EFNA2: variants seen among roughly 807,000 people sequenced by gnomAD.
EFNA2 encodes the protein ephrin-A2.
A neutral mutation model predicts 19.7 loss-of-function variants in EFNA2; 18 were observed. The observed-to-expected ratio is 0.91, with a 90% CI of 0.63 to 1.35. The LOEUF is 1.35. Among genes scored for constraint, EFNA2 ranks in the 40% most tolerant of loss-of-function variants. The pLI is 0.00. For synonymous variants in EFNA2, 187 were observed against 137.8 expected, an observed-to-expected ratio of 1.36 and a Z score of -2.50; for missense variants, 303 against 296.0, an observed-to-expected ratio of 1.02 and a Z score of -0.17.
Position 1,296,673 on chromosome 19 carries a change from GGC to G in EFNA2, c.454+816_454+817del, listed in dbSNP as rs2081517171. Among the ~76,000 whole-genome samples the G allele has an allele frequency of 6.6e-6, 1 of 152,078 alleles. No homozygotes were observed. Among genetic ancestry groups the G allele is most frequent in the Non-Finnish European group, 1.5e-5 (1 of 67,998 alleles). ...TTAAAAGAAGAAAAAAACCCCACAG[GGC>G]CCCTGCCGCACCAGCCGCACCCAGA... On this transcript the variant is annotated intron_variant, in intron 2 of 3. Coordinates refer to ENST00000215368, the MANE Select transcript of EFNA2 (RefSeq NM_001405.4). This position sits in a 1 kb window ranked among gnomAD's most constrained non-coding sequence, Gnocchi z 4.4.
chr19:1,294,995 C>A lies in EFNA2; in HGVS notation c.141-550C>A, dbSNP rs1265259672. On this transcript the variant is annotated intron_variant, in intron 1 of 3. Transcript: ENST00000215368. The surrounding 1 kb of genome is among the most constrained non-coding windows in gnomAD (Gnocchi z 5.8). ...CCGGAGTCAGGAACCCCCCGCCGGC[C>A]CTTTGCACACAGGGGTCCAGATGTC... Among the ~76,000 whole-genome samples the A allele has an allele frequency of 6.6e-6, 1 of 151,960 alleles. No homozygotes were observed. Among genetic ancestry groups the A allele is most frequent in the Non-Finnish European group, 1.5e-5 (1 of 67,982 alleles).
In EFNA2 at chr19:1,296,627, T is replaced by C. The variant is rs2081516884; in HGVS notation, c.454+769T>C. On this transcript the variant is annotated intron_variant, in intron 2 of 3. Transcript: ENST00000215368. The surrounding 1 kb of genome is among the most constrained non-coding windows in gnomAD (Gnocchi z 4.4). ...TCGCTCCACTGCACTCCAGCCTGGG[T>C]GGCAGAGCGAGACCCTGTCTTTAAA... 6.6e-6 allele frequency among the ~76,000 whole-genome samples: 1 copy of C among 151,998 alleles called. No individual in the cohort carries two copies. The highest frequency in any genetic ancestry group is 1.5e-5 in the Non-Finnish European group (1 of 67,976).
intron 1 of EFNA2, among the ~76,000 whole-genome samples, chr19:1,290,881 A>C (rs948758622): frequency 2.6e-5 from 4 of 151,926 alleles, no homozygotes; most frequent in Admixed American, 2.6e-4. Flanking sequence ...AGGCGTTTGA[A>C]CTCTGTGGCC....
In EFNA2 at chr19:1,287,948, C is replaced by T. The variant is rs1027166777; in HGVS notation, c.140+1640C>T. Among the ~76,000 whole-genome samples, 1 of 152,222 alleles carries T rather than the reference C, an allele frequency of 6.6e-6. No individual in the cohort carries two copies. The highest frequency in any genetic ancestry group is 1.9e-4 in the East Asian group (1 of 5,182). On this transcript the variant is annotated intron_variant, in intron 1 of 3. Coordinates refer to ENST00000215368, the MANE Select transcript of EFNA2 (RefSeq NM_001405.4). The surrounding 1 kb of genome is among the most constrained non-coding windows in gnomAD (Gnocchi z 6.2). ...CCACCTGCCACAGGGCTGTGGGCTG[C>T]GGGCCGGACCCCCGGCCAGGGGAAG...
In EFNA2 at chr19:1,300,197, G is replaced by A; in HGVS notation, c.*252G>A. On this transcript the variant is annotated 3_prime_UTR_variant, in exon 4 of 4. Transcript: ENST00000215368. The stretch of plus-strand genomic sequence containing the variant: ...GGGTGTGGATGCGGACCGTGGCCAG[G>A]CCATCTCCTCTGGGGCGTCGGAGAA... 2.9e-6 allele frequency: 1 copy of A among 346,630 alleles called. No homozygotes were observed. 21.5% of individuals were successfully genotyped at this position (346,630 alleles called of 1,614,324 possible).
chr19:1,284,783 G>A (rs1361184637), upstream of EFNA2, among the ~76,000 whole-genome samples: 1 of 152,218 alleles, frequency 6.6e-6, no homozygotes, highest in Non-Finnish European at 1.5e-5. The surrounding 1 kb of genome is among the most constrained non-coding windows in gnomAD (Gnocchi z 5.3). Context: ...AGGGCTGTTG[G>A]TGCTTGCCCT....
chr19:1,299,313 C>T (rs1262780229), intron 3 of EFNA2, among the ~76,000 whole-genome samples: 1 of 152,126 alleles, frequency 6.6e-6, no homozygotes, highest in Non-Finnish European at 1.5e-5. Flanking sequence ...AATCCCAGCA[C>T]TTTGGGAGGC....
intron 1 of EFNA2, among the ~76,000 whole-genome samples, chr19:1,290,210 C>T (rs1387387133): frequency 6.6e-6 from 1 of 152,142 alleles, no homozygotes; most frequent in African/African-American, 2.4e-5. Flanking sequence ...GTCCCCTCCC[C>T]AGAAGGGAAA....
At chr19:1,298,756 TC>T (rs2081527346) in intron 3 of EFNA2, 140 bp downstream of exon 3, 2 of 886,262 alleles carry the variant, frequency 2.3e-6, no homozygotes, top group South Asian at 3.3e-5. Flanking sequence ...AGCCTCGATT[TC>T]CCCGTCTGAT....
upstream of EFNA2, among the ~76,000 whole-genome samples, chr19:1,285,406 C>G (rs938151407): frequency 1.3e-5 from 2 of 152,166 alleles, no homozygotes; most frequent in African/African-American, 2.4e-5. This position sits in a 1 kb window ranked among gnomAD's most constrained non-coding sequence, Gnocchi z 4.1. Flanking sequence ...AGCGTGGGTC[C>G]GGAGAGGCGA....
rs1027836299 is a variant in EFNA2 at position 1,295,306 on chromosome 19, C to T, written c.141-239C>T. 6.6e-6 allele frequency among the ~76,000 whole-genome samples: 1 copy of T among 151,894 alleles called. No individual in the cohort carries two copies. Among genetic ancestry groups the T allele is most frequent in the Non-Finnish European group, 1.5e-5 (1 of 67,886 alleles). The stretch of plus-strand genomic sequence containing the variant: ...TCACCCTGTCCCGTGCCCTGTGCAC[C>T]TGTCCCCGGAGCCATCTCTCCCCGC... On this transcript the variant is annotated intron_variant, in intron 1 of 3. Transcript: ENST00000215368. The surrounding 1 kb of genome is among the most constrained non-coding windows in gnomAD (Gnocchi z 5.8).
At position 1,299,711 on chromosome 19, in the gene EFNA2, C is replaced by T. The variant is rs1430231922; in HGVS notation, c.521-113C>T. On this transcript the variant is annotated intron_variant, in intron 3 of 3. Coordinates refer to ENST00000215368, the MANE Select transcript of EFNA2 (RefSeq NM_001405.4). ...GCACCAAGAGGGAGCAGAGGGCCTGCCTGGTGGGGTGATGAGCCCGTTGGG... is the reference window on the plus strand; with the variant it reads ...GCACCAAGAGGGAGCAGAGGGCCTGTCTGGTGGGGTGATGAGCCCGTTGGG... 82 of 1,400,914 alleles carry T rather than the reference C, an allele frequency of 5.9e-5. No individual in the cohort carries two copies. The East Asian group carries it at 2.1e-3, about 36-fold the overall frequency. The allele number at this position is 1,400,914 out of a possible 1,614,324, so 86.8% of individuals were successfully genotyped here.
rs955625174 is a variant in EFNA2 at position 1,297,690 on chromosome 19, G to T, written c.455-861G>T. On this transcript the variant is annotated intron_variant, in intron 2 of 3. Transcript: ENST00000215368. The surrounding 1 kb of genome is among the most constrained non-coding windows in gnomAD (Gnocchi z 5.0). ...TCCTCCTCTCTTGATCCTTGCAGACGCCCCCACTGCACTCCAGGATGCTTC... is the reference window on the plus strand; with the variant it reads ...TCCTCCTCTCTTGATCCTTGCAGACTCCCCCACTGCACTCCAGGATGCTTC... Among the ~76,000 whole-genome samples, 1 of 152,020 alleles carries T rather than the reference G, an allele frequency of 6.6e-6. No individual in the cohort carries two copies. Among genetic ancestry groups the T allele is most frequent in the South Asian group, 2.1e-4 (1 of 4,822 alleles).
intron 1 of EFNA2, among the ~76,000 whole-genome samples, chr19:1,292,770 T>C (rs1423113500): frequency 6.6e-6 from 1 of 152,100 alleles, no homozygotes; most frequent in Non-Finnish European, 1.5e-5. Context: ...CAGGGTCTGT[T>C]TTGCAGAAGA....
rs897189562 is a variant in EFNA2 at position 1,296,088 on chromosome 19, A to C, written c.454+230A>C. 2.0e-5 allele frequency among the ~76,000 whole-genome samples: 3 copies of C among 152,018 alleles called. No individual in the cohort carries two copies. Among genetic ancestry groups the C allele is most frequent in the African/African-American group, 7.2e-5 (3 of 41,390 alleles). ...CAGGGCCGGTGCTGGCCACTGACCCACCCCGGTCACTGACCCCCTCCAGAT... is the reference window on the plus strand; with the variant it reads ...CAGGGCCGGTGCTGGCCACTGACCCCCCCCGGTCACTGACCCCCTCCAGAT... On this transcript the variant is annotated intron_variant, in intron 2 of 3. Transcript: ENST00000215368. The surrounding 1 kb of genome is among the most constrained non-coding windows in gnomAD (Gnocchi z 4.4).
chr19:1,288,542 G>A (rs1340376727), intron 1 of EFNA2, among the ~76,000 whole-genome samples: 1 of 152,106 alleles, frequency 6.6e-6, no homozygotes, highest in Admixed American at 6.5e-5. Context: ...GGGGACAGCC[G>A]CGATGGGGGG....
chr19:1,287,128 G>A lies in EFNA2; in HGVS notation c.140+820G>A, dbSNP rs1452064781. 6.6e-6 allele frequency among the ~76,000 whole-genome samples: 1 copy of A among 152,238 alleles called. No homozygotes were observed. The highest frequency in any genetic ancestry group is 2.4e-5 in the African/African-American group (1 of 41,464). On this transcript the variant is annotated intron_variant, in intron 1 of 3. Transcript: ENST00000215368. This position sits in a 1 kb window ranked among gnomAD's most constrained non-coding sequence, Gnocchi z 6.2. ...GAACCAGGTCCGGGCCAGGCACAAC[G>A]TGGGGGACAGGAGAAGCCCCCGTTG...
At chr19:1,292,268 G>T (rs914173542) in intron 1 of EFNA2, among the ~76,000 whole-genome samples, 5 of 152,238 alleles carry the variant, frequency 3.3e-5, no homozygotes, top group African/African-American at 1.2e-4. Context: ...TTTTAGAGAC[G>T]CAAAGGGAAA....
At position 1,295,515 on chromosome 19, in the gene EFNA2, C is replaced by G; in HGVS notation, c.141-30C>G. Reference sequence around the variant, plus strand: ...CCCGTGCCCCGTTCCTCGCTCCGGGCGCTGACCTCTGGCCGCCTTGTCCCC... The same window carrying G: ...CCCGTGCCCCGTTCCTCGCTCCGGGGGCTGACCTCTGGCCGCCTTGTCCCC... On this transcript the variant is annotated intron_variant, in intron 1 of 3. Coordinates refer to ENST00000215368, the MANE Select transcript of EFNA2 (RefSeq NM_001405.4). The surrounding 1 kb of genome is among the most constrained non-coding windows in gnomAD (Gnocchi z 5.8). The G allele has an allele frequency of 6.5e-7, 1 of 1,527,504 alleles. No homozygotes were observed. Among genetic ancestry groups the G allele is most frequent in the East Asian group, 2.5e-5 (1 of 40,378 alleles). 94.6% of individuals were successfully genotyped at this position (1,527,504 alleles called of 1,614,324 possible).
Sources: gnomAD v4.1 joint callset for allele counts (sites outside exome capture counted in the v4.1 genomes callset) on GRCh38, gnomAD v4.1.1 for gene constraint, Gnocchi (gnomAD v3.1) non-coding constraint, MANE v1.5 for transcripts, NCBI Gene and HGNC (gene_info 2026-07-23, HGNC 2026-07-21) for gene names.